SHISA9: variants seen among roughly 807,000 people sequenced by gnomAD.
SHISA9 encodes the protein protein shisa-9.
A neutral mutation model predicts 38.0 loss-of-function variants in SHISA9; 13 were observed. The ratio of observed to expected loss-of-function variants is 0.34; its 90% CI spans 0.22 to 0.54. The LOEUF (loss-of-function observed/expected upper bound fraction) is 0.54. Among genes scored for constraint, SHISA9 ranks in the 20% least tolerant of loss-of-function variants. The pLI is 0.91. For missense variants in SHISA9, 538 were observed against 575.8 expected (o/e 0.93, Z 0.67); for synonymous variants, 275 against 242.0 (o/e 1.14, Z -1.27).
At chr16:13,163,993 T>C (rs2050615985) in intron 2 of SHISA9, among the ~76,000 whole-genome samples, 8 of 152,100 alleles carry the variant, frequency 5.3e-5, no homozygotes, top group Admixed American at 4.6e-4. Context: ...TGTATTGTAC[T>C]GGATAGAACC....
the SHISA9 span, among the ~76,000 whole-genome samples, chr16:13,304,279 A>C: frequency 6.6e-6 from 1 of 152,200 alleles, no homozygotes; most frequent in Non-Finnish European, 1.5e-5. Flanking sequence ...TTATTTTTGC[A>C]AAAGGGTCTC....
intron 4 of SHISA9, among the ~76,000 whole-genome samples, chr16:13,221,731 A>G (rs2051227918): frequency 6.6e-6 from 1 of 152,208 alleles, no homozygotes; most frequent in African/African-American, 2.4e-5. Flanking sequence ...AGTCAATATT[A>G]GAACATTTTC....
At chr16:13,153,475 T>G (rs2050516837) in intron 2 of SHISA9, among the ~76,000 whole-genome samples, 1 of 152,080 alleles carries the variant, frequency 6.6e-6, no homozygotes, top group Non-Finnish European at 1.5e-5. Context: ...ATGGAACAGG[T>G]GTGGTGTACA....
downstream of SHISA9, among the ~76,000 whole-genome samples, chr16:13,243,110 G>A (rs974694058): frequency 6.6e-6 from 1 of 152,022 alleles, no homozygotes; most frequent in African/African-American, 2.4e-5. Flanking sequence ...GTGGTGGCAT[G>A]CTCCTGTAGT....
chr16:13,051,924 T>A (rs2073256073), intron 2 of SHISA9, among the ~76,000 whole-genome samples: 2 of 152,042 alleles, frequency 1.3e-5, no homozygotes, highest in Admixed American at 1.3e-4. Flanking sequence ...GCCACCACAC[T>A]CTTCTAATTT....
At chr16:12,948,815 T>G (rs1015476118) in intron 2 of SHISA9, among the ~76,000 whole-genome samples, 1 of 152,318 alleles carries the variant, frequency 6.6e-6, no homozygotes, top group Non-Finnish European at 1.5e-5. Flanking sequence ...AGCAATATCC[T>G]TCTAGGATTT....
intron 2 of SHISA9, among the ~76,000 whole-genome samples, chr16:13,020,058 G>C (rs1452338029): frequency 7.8e-6 from 1 of 128,168 alleles, no homozygotes; most frequent in Non-Finnish European, 1.6e-5. Context: ...ACAGAGTCTT[G>C]CTGTGTCACC....
chr16:13,485,990 A>G, the SHISA9 span, among the ~76,000 whole-genome samples: 2 of 152,182 alleles, frequency 1.3e-5, no homozygotes, highest in African/African-American at 4.8e-5. Context: ...TTATGGTTGA[A>G]TAATATTCTA....
intron 2 of SHISA9, among the ~76,000 whole-genome samples, chr16:13,081,095 A>G (rs953302137): frequency 1.2e-4 from 18 of 152,254 alleles, no homozygotes; most frequent in Admixed American, 5.2e-4. Flanking sequence ...GGAGAGATAC[A>G]AAAACATTCA....
chr16:13,045,849 C>T (rs774237584), intron 2 of SHISA9, among the ~76,000 whole-genome samples: 1 of 152,138 alleles, frequency 6.6e-6, no homozygotes, highest in Non-Finnish European at 1.5e-5. Context: ...CCTGATAAGC[C>T]AGGCCACGTT....
chr16:13,423,183 G>C, the SHISA9 span, among the ~76,000 whole-genome samples: 1 of 152,150 alleles, frequency 6.6e-6, no homozygotes, highest in East Asian at 1.9e-4. Context: ...GAGCCCCAGA[G>C]GTCAGATATC....
chr16:12,977,159 G>C (rs369166542), intron 2 of SHISA9, among the ~76,000 whole-genome samples: 1 of 152,144 alleles, frequency 6.6e-6, no homozygotes, highest in Non-Finnish European at 1.5e-5. Context: ...TCTTGGAGAC[G>C]GGCTGTGTTC....
At chr16:13,525,240 G>T in the SHISA9 span, among the ~76,000 whole-genome samples, 321 of 152,184 alleles carry the variant, frequency 2.1e-3, 1 homozygote, top group African/African-American at 7.5e-3. Context: ...TTGTTATGTC[G>T]TCAGAGCTAC....
chr16:12,932,490 C>T (rs561574466), intron 2 of SHISA9, among the ~76,000 whole-genome samples: 5 of 152,092 alleles, frequency 3.3e-5, no homozygotes, highest in South Asian at 2.1e-4. Context: ...TACAGGTGAG[C>T]GCCACCATGC....
the SHISA9 span, among the ~76,000 whole-genome samples, chr16:13,339,284 A>C: frequency 6.7e-6 from 1 of 148,690 alleles, no homozygotes; most frequent in African/African-American, 2.5e-5. Context: ...CTTTCACCTT[A>C]TTATTTTACA....
chr16:13,450,982 G>A, the SHISA9 span, among the ~76,000 whole-genome samples: 1 of 152,108 alleles, frequency 6.6e-6, no homozygotes, highest in Non-Finnish European at 1.5e-5. Context: ...ACATAACCCA[G>A]CTCCCAGTGG....
chr16:13,217,533 T>C (rs900202949), intron 4 of SHISA9, among the ~76,000 whole-genome samples: 2 of 152,134 alleles, frequency 1.3e-5, no homozygotes, highest in South Asian at 4.1e-4. Flanking sequence ...CCAAGCTACA[T>C]ACATGCTCCA....
At chr16:13,164,772 T>C (rs1001888294) in intron 2 of SHISA9, among the ~76,000 whole-genome samples, 2 of 152,138 alleles carry the variant, frequency 1.3e-5, no homozygotes, top group African/African-American at 4.8e-5. Context: ...GAAGTGAATT[T>C]TGACCACCAA....
intron 2 of SHISA9, among the ~76,000 whole-genome samples, chr16:13,196,271 C>T (rs1305253493): frequency 2.0e-5 from 3 of 150,394 alleles, no homozygotes; most frequent in Admixed American, 6.6e-5. Flanking sequence ...GTGGCGCGTG[C>T]CTGTAGTTCC....
Sources: gnomAD v4.1 joint callset for allele counts (sites outside exome capture counted in the v4.1 genomes callset) on GRCh38, gnomAD v4.1.1 for gene constraint, MANE v1.5 for transcripts, NCBI Gene and HGNC (gene_info 2026-07-23, HGNC 2026-07-21) for gene names.